Variants in SNX29 observed in about 807,000 individuals in gnomAD.
The protein encoded by SNX29 is sorting nexin 29, also known as sorting nexin-29.
Under a neutral mutation model 102.1 loss-of-function variants are expected in SNX29, and 78 were observed. That is an observed-to-expected ratio of 0.76 (90% confidence interval 0.64 to 0.92). SNX29 has a LOEUF of 0.92. SNX29 is among the 40% of genes least tolerant of loss of function. The pLI is 0.00. For missense variants in SNX29, 1,280 were observed against 1,061.7 expected, an observed-to-expected ratio of 1.21 and a Z score of -2.86; for synonymous variants, 580 against 414.5, an observed-to-expected ratio of 1.40 and a Z score of -4.85.
At chr16:12,007,725 C>G (rs2056504162) in intron 3 of SNX29, among the ~76,000 whole-genome samples, 1 of 152,150 alleles carries the variant, frequency 6.6e-6, no homozygotes, top group South Asian at 2.1e-4. Flanking sequence ...GCCGCTGCAG[C>G]CTTAGGCTCT....
chr16:12,068,932 G>C, intron 9 of SNX29, 125 bp from the exon 10 acceptor site: 4 of 820,142 alleles, frequency 4.9e-6, no homozygotes, highest in South Asian at 3.6e-5. Context: ...TTGCAGGAGA[G>C]ATGGAGAAAA....
At chr16:12,168,929 G>A (rs1307461372) in intron 13 of SNX29, among the ~76,000 whole-genome samples, 1 of 152,176 alleles carries the variant, frequency 6.6e-6, no homozygotes, top group African/African-American at 2.4e-5. Flanking sequence ...CTGGGTTGTG[G>A]GGTGAGGAGG....
intron 19 of SNX29, among the ~76,000 whole-genome samples, chr16:12,502,471 T>A (rs1414209584): frequency 6.6e-6 from 1 of 152,090 alleles, no homozygotes; most frequent in Non-Finnish European, 1.5e-5. Context: ...CATTTGAGAT[T>A]TCCTGACCAA....
intron 15 of SNX29, among the ~76,000 whole-genome samples, chr16:12,314,336 C>T (rs937362747): frequency 3.3e-5 from 5 of 152,228 alleles, no homozygotes; most frequent in African/African-American, 1.2e-4. Flanking sequence ...GAATGGTCTG[C>T]AGATGTAACA....
At chr16:12,328,628 AC>A (rs2081195758) in intron 15 of SNX29, among the ~76,000 whole-genome samples, 1 of 152,174 alleles carries the variant, frequency 6.6e-6, no homozygotes, top group Non-Finnish European at 1.5e-5. Context: ...CCACTGTCTT[AC>A]CACATTCAAA....
chr16:12,234,263 C>T (rs1337080102), intron 14 of SNX29, among the ~76,000 whole-genome samples: 1 of 152,100 alleles, frequency 6.6e-6, no homozygotes, highest in Non-Finnish European at 1.5e-5. Flanking sequence ...GGCACCTTCA[C>T]GTTTGCAAAT....
chr16:12,512,372 ATATATATAT>A (rs2089663291), intron 19 of SNX29, among the ~76,000 whole-genome samples: 1 of 7,788 alleles, frequency 1.3e-4, no homozygotes, highest in Admixed American at 1.5e-3. Context: ...CAGGGAAAAT[ATATATATAT>A]ATATATATAT....
At chr16:12,029,873 T>A (rs2057293406) in intron 4 of SNX29, 5 of 333,272 alleles carry the variant, frequency 1.5e-5, no homozygotes, top group South Asian at 1.2e-4. Flanking sequence ...ATTACAGGCA[T>A]GAGCCACCAC....
rs115101447 is a variant in SNX29, at chr16:12,541,044, G to A, written c.2318+16203G>A. ...CAACAACTGGTCATCTCTGTAGTCTGGCTGCTATTTAGTTTCCTGAGTTAT... is the reference window on the plus strand; with the variant it reads ...CAACAACTGGTCATCTCTGTAGTCTAGCTGCTATTTAGTTTCCTGAGTTAT... On this transcript the variant is annotated intron_variant, in intron 20 of 20. Coordinates refer to ENST00000566228, the MANE Select transcript of SNX29 (RefSeq NM_032167.5). Among the ~76,000 whole-genome samples, 942 of 152,268 alleles carry A rather than the reference G, an allele frequency of 6.2e-3. 10 individuals carry two copies. The highest frequency in any genetic ancestry group is 0.021 in the African/African-American group (856 of 41,546).
chr16:12,178,826 G>A (rs1159679016), intron 13 of SNX29, among the ~76,000 whole-genome samples: 1 of 152,218 alleles, frequency 6.6e-6, no homozygotes, highest in South Asian at 2.1e-4. Context: ...TTGACTAGAT[G>A]ACACATGGGC....
At chr16:12,210,345 AG>A (rs1373541741) in intron 14 of SNX29, among the ~76,000 whole-genome samples, 3 of 149,396 alleles carry the variant, frequency 2.0e-5, no homozygotes, top group African/African-American at 7.4e-5. Context: ...TTTTTTTTAA[AG>A]ACACAGGGTC....
At chr16:12,444,731 A>G (rs1434552086) in intron 18 of SNX29, among the ~76,000 whole-genome samples, 1 of 151,038 alleles carries the variant, frequency 6.6e-6, no homozygotes, top group Non-Finnish European at 1.5e-5. Context: ...TGTAGGCCCC[A>G]CCCCATTTAC....
intron 14 of SNX29, among the ~76,000 whole-genome samples, chr16:12,257,037 G>A (rs1455647979): frequency 6.6e-6 from 1 of 152,194 alleles, no homozygotes; most frequent in African/African-American, 2.4e-5. Flanking sequence ...GAATGAGGTG[G>A]TGGCAGGGTT....
chr16:12,398,661 C>A (rs930787340), intron 17 of SNX29, among the ~76,000 whole-genome samples, 160 bp downstream of exon 17: 1 of 152,082 alleles, frequency 6.6e-6, no homozygotes, highest in Non-Finnish European at 1.5e-5. Flanking sequence ...TCTCCTACAG[C>A]CTCAGTCTCG....
At chr16:12,167,297 G>C (rs554797722) in intron 13 of SNX29, among the ~76,000 whole-genome samples, 22 of 152,290 alleles carry the variant, frequency 1.4e-4, no homozygotes, top group African/African-American at 5.3e-4. Context: ...TCTGAGCTCT[G>C]CCGCCGATGC....
chr16:12,059,812 A>G (rs905024483), intron 8 of SNX29, among the ~76,000 whole-genome samples: 9 of 152,252 alleles, frequency 5.9e-5, no homozygotes, highest in African/African-American at 9.6e-5. Context: ...GACAAACTAT[A>G]TAAGTAATGT....
Position 12,284,668 on chromosome 16 carries a change from G to A in SNX29, c.1782+6632G>A, listed in dbSNP as rs116935918. Among the ~76,000 whole-genome samples the A allele has an allele frequency of 4.9e-3, 746 of 151,982 alleles. 38 individuals carry two copies. The East Asian group carries it at 0.11, about 23-fold the overall frequency. On this transcript the variant is annotated intron_variant, in intron 15 of 20. Coordinates refer to ENST00000566228, the MANE Select transcript of SNX29 (RefSeq NM_032167.5). Reference sequence around the variant, plus strand: ...AGACTAATAGCAATGAGTCTGATAAGACTCTAATTGTTTTCTGTGTTGAAC... The same window carrying A: ...AGACTAATAGCAATGAGTCTGATAAAACTCTAATTGTTTTCTGTGTTGAAC...
At chr16:12,121,275 T>C (rs1382606269) in intron 11 of SNX29, among the ~76,000 whole-genome samples, 10 of 152,196 alleles carry the variant, frequency 6.6e-5, no homozygotes, top group Non-Finnish European at 1.5e-4. Context: ...CACTGAACTC[T>C]ACTTGGATTG....
chr16:12,207,511 T>C (rs1480800249), intron 14 of SNX29, among the ~76,000 whole-genome samples: 1 of 152,206 alleles, frequency 6.6e-6, no homozygotes, highest in Non-Finnish European at 1.5e-5. Context: ...TTGTATTTCA[T>C]CTCCGTTCCC....
Sources: allele counts gnomAD v4.1 joint callset (sites outside exome capture counted in the v4.1 genomes callset), GRCh38; gene constraint gnomAD v4.1.1; transcripts MANE v1.5; gene names NCBI Gene and HGNC (gene_info 2026-07-23, HGNC 2026-07-21).